Variants in LIN7A observed in about 807,000 individuals in gnomAD.
LIN7A encodes lin-7 cell polarity scaffold A.
LIN7A carries 25 observed loss-of-function variants against 29.8 expected under a neutral mutation model. The ratio of observed to expected loss-of-function variants is 0.84; its 90% CI spans 0.61 to 1.17. The LOEUF is 1.17. LIN7A is among the 50% of genes most tolerant of loss of function. The pLI is 0.00. For synonymous variants in LIN7A, 118 were observed against 107.5 expected (o/e 1.10, Z -0.60); for missense variants, 239 against 287.0 (o/e 0.83, Z 1.21).
chr12:80,927,457 T>C (rs1330515065), intron 1 of LIN7A, among the ~76,000 whole-genome samples: 1 of 152,180 alleles, frequency 6.6e-6, no homozygotes, highest in Non-Finnish European at 1.5e-5. Context: ...CCACAGTAAA[T>C]TATTTTCTAA....
intron 1 of LIN7A, among the ~76,000 whole-genome samples, chr12:80,930,137 G>A (rs1877817590): frequency 6.6e-6 from 1 of 152,174 alleles, no homozygotes; most frequent in Non-Finnish European, 1.5e-5. Context: ...TGCACAAACA[G>A]TTAGACTTGG....
intron 1 of LIN7A, among the ~76,000 whole-genome samples, chr12:80,903,743 T>C (rs950235143): frequency 6.6e-6 from 1 of 152,040 alleles, no homozygotes; most frequent in African/African-American, 2.4e-5. Context: ...GTTCTATTTT[T>C]GGTTCTTTGA....
At chr12:80,849,912 T>C (rs1309099520) in intron 2 of LIN7A, among the ~76,000 whole-genome samples, 1 of 152,280 alleles carries the variant, frequency 6.6e-6, no homozygotes, top group East Asian at 1.9e-4. Context: ...TTCCTGGTCA[T>C]CTGAATTTGT....
At chr12:80,818,010 C>T (rs17007431) in intron 4 of LIN7A, among the ~76,000 whole-genome samples, 14,945 of 152,210 alleles carry the variant, frequency 0.098, 796 homozygotes, top group East Asian at 0.19. Flanking sequence ...GGACTCACTA[C>T]TACTAGGATT....
intron 1 of LIN7A, among the ~76,000 whole-genome samples, chr12:80,897,391 T>C (rs1395780526): frequency 1.3e-5 from 2 of 152,234 alleles, no homozygotes; most frequent in Non-Finnish European, 2.9e-5. Context: ...AAATGTAATC[T>C]GTTTTTACAC....
intron 1 of LIN7A, among the ~76,000 whole-genome samples, chr12:80,929,179 G>T (rs1877756971): frequency 6.6e-6 from 1 of 152,130 alleles, no homozygotes; most frequent in Non-Finnish European, 1.5e-5. Flanking sequence ...AATAAATAAA[G>T]TCCTCAATCT....
At chr12:80,841,390 AG>A (rs1872809686) in intron 4 of LIN7A, among the ~76,000 whole-genome samples, 1 of 145,902 alleles carries the variant, frequency 6.9e-6, no homozygotes. Context: ...GAAGGAAGGA[AG>A]GAAGGAAGGA....
At chr12:80,918,719 AC>A (rs1269233212) in intron 1 of LIN7A, among the ~76,000 whole-genome samples, 1 of 152,190 alleles carries the variant, frequency 6.6e-6, no homozygotes, top group Non-Finnish European at 1.5e-5. Context: ...GGCTCAGTCT[AC>A]CATATTAGAG....
In LIN7A at chr12:80,845,868, A is replaced by G; in HGVS notation, c.345T>C (p.Asp115=). 6.2e-7 allele frequency: 1 copy of G among 1,613,444 alleles called. No homozygotes were observed. The highest frequency in any genetic ancestry group is 8.5e-7 in the Non-Finnish European group (1 of 1,179,816). The change falls in exon 4 of 6, where the codon GAT becomes GAC. Residue 115 remains aspartate, a synonymous_variant. Coordinates refer to ENST00000552864, the MANE Select transcript of LIN7A (RefSeq NM_004664.4). ...HPRVVELPKT[D]EGLGFNVMGG... ...CCATCACATTAAAACCAAGGCCTTC[A>G]TCAGTCTTTGGCAGTTCAACTACTC...
chr12:80,807,081 T>TTTTTTTTTTGTTTTTG (rs1555221384), intron 5 of LIN7A, among the ~76,000 whole-genome samples: 1 of 135,582 alleles, frequency 7.4e-6, no homozygotes, highest in Non-Finnish European at 1.5e-5. Context: ...TTTTTTTTTT[T>TTTTTTTTTTGTTTTTG]TTTTTTTTTT....
chr12:80,866,655 G>A (rs987647886), intron 2 of LIN7A, among the ~76,000 whole-genome samples: 1 of 152,272 alleles, frequency 6.6e-6, no homozygotes, highest in East Asian at 1.9e-4. Flanking sequence ...TGGGCATTGA[G>A]ACTTTCAAAA....
At chr12:80,837,251 G>T (rs929934803) in intron 4 of LIN7A, among the ~76,000 whole-genome samples, 1 of 152,228 alleles carries the variant, frequency 6.6e-6, no homozygotes, top group Non-Finnish European at 1.5e-5. Flanking sequence ...ATTTCTCAAA[G>T]ATATTAATAT....
chr12:80,850,078 C>G (rs1873256629), intron 2 of LIN7A, among the ~76,000 whole-genome samples: 2 of 152,064 alleles, frequency 1.3e-5, no homozygotes, highest in African/African-American at 2.4e-5. Context: ...ATACCTGTAC[C>G]TAATAAATAT....
chr12:80,909,407 C>A (rs1169249945), intron 1 of LIN7A, among the ~76,000 whole-genome samples: 1 of 152,110 alleles, frequency 6.6e-6, no homozygotes, highest in Non-Finnish European at 1.5e-5. Flanking sequence ...TAATGTGAAC[C>A]TTCTCTGTCT....
chr12:80,837,144 T>G (rs1305278561), intron 4 of LIN7A, among the ~76,000 whole-genome samples: 3 of 152,182 alleles, frequency 2.0e-5, no homozygotes, highest in Non-Finnish European at 2.9e-5. Flanking sequence ...AAAACCAACG[T>G]GCCCATGCTC....
At chr12:80,841,567 T>C (rs1161226551) in intron 4 of LIN7A, 1 of 152,188 alleles carries the variant, frequency 6.6e-6, no homozygotes, top group East Asian at 1.9e-4. Flanking sequence ...TAAAATTCCC[T>C]AAAATTTTTT....
At chr12:80,801,467 C>A (rs1870718143) in intron 5 of LIN7A, among the ~76,000 whole-genome samples, 1 of 152,094 alleles carries the variant, frequency 6.6e-6, no homozygotes, top group African/African-American at 2.4e-5. Context: ...CTGTGTTGGA[C>A]TTCTATCCTA....
At chr12:80,837,007 G>T (rs1872614838) in intron 4 of LIN7A, among the ~76,000 whole-genome samples, 1 of 152,088 alleles carries the variant, frequency 6.6e-6, no homozygotes, top group Non-Finnish European at 1.5e-5. Flanking sequence ...AGTCTGAATG[G>T]CTTTATTGAT....
intron 1 of LIN7A, among the ~76,000 whole-genome samples, chr12:80,895,931 T>C (rs1428476142): frequency 6.6e-6 from 1 of 152,208 alleles, no homozygotes; most frequent in Non-Finnish European, 1.5e-5. Flanking sequence ...CCATGATTCT[T>C]GTCTGTGAGA....
Sources: allele counts gnomAD v4.1 joint callset (sites outside exome capture counted in the v4.1 genomes callset), GRCh38; gene constraint gnomAD v4.1.1; transcripts MANE v1.5; gene names NCBI Gene and HGNC (gene_info 2026-07-23, HGNC 2026-07-21).